NFIX: variants seen among roughly 807,000 people sequenced by gnomAD.
NFIX encodes nuclear factor 1 X-type.
NFIX carries 2 observed loss-of-function variants against 53.3 expected under a neutral mutation model. The observed-to-expected ratio is 0.04, with a 90% CI of 0.02 to 0.12. The LOEUF (loss-of-function observed/expected upper bound fraction) is 0.12, where lower values mean the gene tolerates loss of function less well. Ranked by LOEUF, NFIX falls within the 10% of genes least tolerant of loss-of-function variation. The probability of loss-of-function intolerance (pLI) is 1.00; values close to 1 mark genes in which losing one functional copy is unlikely to be tolerated. For synonymous variants in NFIX, 244 were observed against 289.0 expected (o/e 0.84, Z 1.58); for missense variants, 310 against 674.5 (o/e 0.46, Z 5.99).
intron 2 of NFIX, among the ~76,000 whole-genome samples, chr19:13,035,470 G>T (rs961791971): frequency 3.3e-5 from 5 of 152,200 alleles, no homozygotes; most frequent in Admixed American, 2.6e-4. Flanking sequence ...CCAGGCCTGT[G>T]CAGCAACCGG....
At position 13,037,987 on chromosome 19, in the gene NFIX, C is replaced by T. The variant is rs532702308; in HGVS notation, c.559+12435C>T. On this transcript the variant is annotated intron_variant, in intron 2 of 10. Transcript: ENST00000592199. The surrounding 1 kb of genome is among the most constrained non-coding windows in gnomAD (Gnocchi z 4.2). ...GGTCTCTCCTCAGGACGCCTCTTGC[C>T]TCTGCTAGCAGAGTGGGCTGCTTGG... Among the ~76,000 whole-genome samples, 2 of 152,318 alleles carry T rather than the reference C, an allele frequency of 1.3e-5. No homozygotes were observed. Among genetic ancestry groups the T allele is most frequent in the Admixed American group, 6.5e-5 (1 of 15,302 alleles).
rs549938581 is a variant in NFIX at position 13,027,790 on chromosome 19, A to G, written c.559+2238A>G. On this transcript the variant is annotated intron_variant, in intron 2 of 10. Coordinates refer to ENST00000592199, the MANE Select transcript of NFIX (RefSeq NM_001365902.3). This position sits in a 1 kb window ranked among gnomAD's most constrained non-coding sequence, Gnocchi z 4.3. ...TTCGCCCAGGAATATGAGTGAATTC[A>G]TACCCCATTCCATGTAGCCGAGGCC... Among the ~76,000 whole-genome samples the G allele has an allele frequency of 6.6e-6, 1 of 152,320 alleles. No homozygotes were observed. The highest frequency in any genetic ancestry group is 1.5e-5 in the Non-Finnish European group (1 of 68,032).
At chr19:13,069,161 C>G (rs1357962009) in intron 2 of NFIX, among the ~76,000 whole-genome samples, 1 of 152,174 alleles carries the variant, frequency 6.6e-6, no homozygotes, top group Non-Finnish European at 1.5e-5. Flanking sequence ...TATCCCATCT[C>G]CAACCAGTAT....
chr19:13,095,208 T>TCC lies in NFIX; in HGVS notation c.*560_*561insCC, dbSNP rs2018368863. ...CCCTCCCTCCCTCCCTCCCTCCCTCTCTGCCAAGGCTCCAGCTTCTTCCCC... is the reference window on the plus strand; with the variant it reads ...CCCTCCCTCCCTCCCTCCCTCCCTCTCCCTGCCAAGGCTCCAGCTTCTTCCCC... On this transcript the variant is annotated 3_prime_UTR_variant, in exon 11 of 11. Transcript: ENST00000592199. 2.2e-5 allele frequency: 2 copies of TCC among 91,632 alleles called. No individual in the cohort carries two copies. The highest frequency in any genetic ancestry group is 8.4e-5 in the African/African-American group (2 of 23,706). 5.7% of individuals were successfully genotyped at this position (91,632 alleles called of 1,614,324 possible).
chr19:13,073,382 C>G lies in NFIX; in HGVS notation c.623-40C>G, dbSNP rs1419611887. 6.5e-7 allele frequency: 1 copy of G among 1,547,058 alleles called. No individual in the cohort carries two copies. The highest frequency in any genetic ancestry group is 1.1e-5 in the South Asian group (1 of 89,748). On this transcript the variant is annotated intron_variant, in intron 3 of 10. Coordinates refer to ENST00000592199, the MANE Select transcript of NFIX (RefSeq NM_001365902.3). The surrounding 1 kb of genome is among the most constrained non-coding windows in gnomAD (Gnocchi z 4.5). ...TTGGAAATAGCCAGGCAGCCCCCTT[C>G]TGGCCTTGTCTTGACTCACTCATCC...
chr19:13,094,935 A>G lies in NFIX; in HGVS notation c.*286A>G. 4.7e-6 allele frequency: 2 copies of G among 425,244 alleles called. No homozygotes were observed. Among genetic ancestry groups the G allele is most frequent in the Non-Finnish European group, 8.5e-6 (2 of 234,020 alleles). 26.3% of individuals were successfully genotyped at this position (425,244 alleles called of 1,614,324 possible). A position where few individuals can be genotyped will look rare whatever the true frequency, so the allele number is the denominator to read the frequency against. ...ACATGGACTCTGTCAAGTAGAGGACAGAAAGCAAGAAAGGATGCAGAACTG... is the reference window on the plus strand; with the variant it reads ...ACATGGACTCTGTCAAGTAGAGGACGGAAAGCAAGAAAGGATGCAGAACTG... On this transcript the variant is annotated 3_prime_UTR_variant, in exon 11 of 11. Coordinates refer to ENST00000592199, the MANE Select transcript of NFIX (RefSeq NM_001365902.3). The surrounding 1 kb of genome is among the most constrained non-coding windows in gnomAD (Gnocchi z 4.3).
At chr19:13,038,235 G>C (rs2145252226) in intron 2 of NFIX, among the ~76,000 whole-genome samples, 1 of 152,182 alleles carries the variant, frequency 6.6e-6, no homozygotes, top group East Asian at 1.9e-4. Flanking sequence ...TCCTTCATCT[G>C]TTATTTAAAA....
At chr19:13,038,196 C>T (rs969821732) in intron 2 of NFIX, among the ~76,000 whole-genome samples, 3 of 152,100 alleles carry the variant, frequency 2.0e-5, no homozygotes, top group Non-Finnish European at 2.9e-5. Context: ...GACAGCAAGC[C>T]CTGCCAGGCA....
intron 1 of NFIX, 136 bp from the exon 2 acceptor site, chr19:13,024,885 G>A: frequency 2.3e-6 from 3 of 1,295,298 alleles, no homozygotes; most frequent in Non-Finnish European, 3.2e-6. Context: ...TGGGGGGAGG[G>A]AGGAGGAGGA....
intron 2 of NFIX, among the ~76,000 whole-genome samples, chr19:13,032,249 C>T (rs905722402): frequency 5.3e-5 from 8 of 152,126 alleles, no homozygotes; most frequent in Admixed American, 3.3e-4. Context: ...CAGAGTTGAA[C>T]GGCAGCCTTC....
At chr19:13,091,002 G>C (rs2018104956) in intron 10 of NFIX, among the ~76,000 whole-genome samples, 1 of 152,098 alleles carries the variant, frequency 6.6e-6, no homozygotes, top group Non-Finnish European at 1.5e-5. Context: ...TTCTCACCAG[G>C]AGACAGATCC....
chr19:13,056,812 A>AT (rs1156249411), intron 2 of NFIX, among the ~76,000 whole-genome samples: 1 of 152,224 alleles, frequency 6.6e-6, no homozygotes, highest in Non-Finnish European at 1.5e-5. Flanking sequence ...GCAACAGTGG[A>AT]AGTCAAGGTT....
intron 1 of NFIX, among the ~76,000 whole-genome samples, chr19:12,997,445 T>C (rs774215740): frequency 1.5e-4 from 23 of 152,186 alleles, no homozygotes; most frequent in Non-Finnish European, 2.6e-4. Context: ...TGTTGCAGTG[T>C]GCATGCAGGT....
Position 13,013,024 on chromosome 19 carries a change from C to G in NFIX, c.28-11997C>G, listed in dbSNP as rs2012451943. On this transcript the variant is annotated intron_variant, in intron 1 of 10. Transcript: ENST00000592199. The surrounding 1 kb of genome is among the most constrained non-coding windows in gnomAD (Gnocchi z 5.9). ...GGCAGAAAATGCGCTTTCCCTTTCTCTCTCTTCTGCCTTCGGGCCGCGGGG... is the reference window on the plus strand; with the variant it reads ...GGCAGAAAATGCGCTTTCCCTTTCTGTCTCTTCTGCCTTCGGGCCGCGGGG... Among the ~76,000 whole-genome samples, 2 of 151,870 alleles carry G rather than the reference C, an allele frequency of 1.3e-5. No homozygotes were observed. The highest frequency in any genetic ancestry group is 4.8e-5 in the African/African-American group (2 of 41,350).
Position 13,074,033 on chromosome 19 carries a change from C to T in NFIX, c.818+7C>T, listed in dbSNP as rs955729065. 5 of 1,613,708 alleles carry T rather than the reference C, an allele frequency of 3.1e-6. No individual in the cohort carries two copies. The highest frequency in any genetic ancestry group is 1.3e-5 in the African/African-American group (1 of 74,924). Reference sequence around the variant, plus strand: ...CCTCCCCTCCTTCCACCAGGTAAGCCCAGTGGCCCTGCCTTTCCATCTTCT... The same window carrying T: ...CCTCCCCTCCTTCCACCAGGTAAGCTCAGTGGCCCTGCCTTTCCATCTTCT... On this transcript the variant is annotated splice_region_variant and intron_variant, in intron 5 of 10. Coordinates refer to ENST00000592199, the MANE Select transcript of NFIX (RefSeq NM_001365902.3).
At position 13,088,166 on chromosome 19, in the gene NFIX, C is replaced by T. The variant is rs776353078; in HGVS notation, c.1402+30C>T. ...GTGGACGATGAAACCGAAACCACAA[C>T]GCCCAGCGTCCCCGGCCCGTCCAAA... On this transcript the variant is annotated intron_variant, in intron 9 of 10. Transcript: ENST00000592199. This position sits in a 1 kb window ranked among gnomAD's most constrained non-coding sequence, Gnocchi z 5.9. The T allele has an allele frequency of 6.0e-5, 92 of 1,535,804 alleles. No homozygotes were observed. Among genetic ancestry groups the T allele is most frequent in the Non-Finnish European group, 7.4e-5 (85 of 1,146,442 alleles).
At chr19:13,055,071 G>T (rs1477553927) in intron 2 of NFIX, among the ~76,000 whole-genome samples, 2 of 144,858 alleles carry the variant, frequency 1.4e-5, no homozygotes, top group East Asian at 4.0e-4. Flanking sequence ...TCTCTCCCCC[G>T]CTCTCCTAAT....
At chr19:13,041,793 CA>C (rs755429201) in intron 2 of NFIX, among the ~76,000 whole-genome samples, 4,893 of 103,272 alleles carry the variant, frequency 0.047, 116 homozygotes, top group Non-Finnish European at 0.075. Context: ...GACTCCGTCT[CA>C]AAAAAAAAAA....
In NFIX at chr19:13,094,033, C is replaced by G. The variant is rs2018296534; in HGVS notation, c.1495-602C>G. Among the ~76,000 whole-genome samples, 3 of 152,150 alleles carry G rather than the reference C, an allele frequency of 2.0e-5. No individual in the cohort carries two copies. Among genetic ancestry groups the G allele is most frequent in the African/African-American group, 2.4e-5 (1 of 41,440 alleles). On this transcript the variant is annotated intron_variant, in intron 10 of 10. Coordinates refer to ENST00000592199, the MANE Select transcript of NFIX (RefSeq NM_001365902.3). This position sits in a 1 kb window ranked among gnomAD's most constrained non-coding sequence, Gnocchi z 4.3. ...AAGTCCTTCCTCAATGTCTGGTGCC[C>G]TGAGGGTAGAGGATCCAGCACCATG...
Sources: allele counts gnomAD v4.1 joint callset (sites outside exome capture counted in the v4.1 genomes callset), GRCh38; gene constraint gnomAD v4.1.1; non-coding constraint Gnocchi (gnomAD v3.1); transcripts MANE v1.5; gene names NCBI Gene and HGNC (gene_info 2026-07-23, HGNC 2026-07-21).